SLC26A4: variants seen among roughly 807,000 people sequenced by gnomAD.
The protein encoded by SLC26A4 is pendrin.
A neutral mutation model predicts 90.4 loss-of-function variants in SLC26A4; 93 were observed. That is an observed-to-expected ratio of 1.03 (90% CI 0.87 to 1.22). The LOEUF (loss-of-function observed/expected upper bound fraction) is 1.22. SLC26A4 is among the 50% of genes most tolerant of loss of function. The probability of loss-of-function intolerance (pLI) is 0.00; values close to 1 mark genes in which losing one functional copy is unlikely to be tolerated. For synonymous variants in SLC26A4, 393 were observed against 354.6 expected (o/e 1.11, Z -1.22); for missense variants, 1,127 against 946.2 (o/e 1.19, Z -2.51).
intron 12 of SLC26A4, 97 bp downstream of exon 12, chr7:107,694,813 T>G: frequency 1.1e-6 from 1 of 876,890 alleles, no homozygotes; most frequent in East Asian, 2.5e-5. Context: ...TAAGTCTCAC[T>G]TGTGCTTTGG....
chr7:107,679,951 T>C (rs1380534990), intron 6 of SLC26A4, among the ~76,000 whole-genome samples: 1 of 125,000 alleles, frequency 8.0e-6, no homozygotes, highest in African/African-American at 3.5e-5. Context: ...TCTTATCTTA[T>C]ATAATATAAT....
chr7:107,705,477 T>C (rs1461828307), intron 18 of SLC26A4, among the ~76,000 whole-genome samples: 1 of 152,184 alleles, frequency 6.6e-6, no homozygotes, highest in Non-Finnish European at 1.5e-5. Flanking sequence ...TTCTCATGAA[T>C]CAAACCAACT....
At chr7:107,668,022 C>A (rs943579395) in intron 3 of SLC26A4, among the ~76,000 whole-genome samples, 1 of 151,926 alleles carries the variant, frequency 6.6e-6, no homozygotes, top group Admixed American at 6.6e-5. Context: ...AAAGGCACAC[C>A]CCCTGAGGAA....
chr7:107,701,898 G>A lies in SLC26A4; in HGVS notation c.1875G>A (p.Glu625=). The change falls in exon 17 of 21, where the codon GAG becomes GAA. Residue 625 remains glutamate, a synonymous_variant. Coordinates refer to ENST00000644269, the MANE Select transcript of SLC26A4 (RefSeq NM_000441.2). ...CTGATGAGGATATTGAAGATCTGGA[G>A]GAACTTGATATCCCAACCAAGGAAA... is the stretch of plus-strand genomic sequence containing the variant. ...FEPDEDIEDL[E]ELDIPTKEIE... 1 of 1,613,474 alleles carries A rather than the reference G, an allele frequency of 6.2e-7. No homozygotes were observed.
chr7:107,680,319 A>T (rs1373730747), intron 6 of SLC26A4, among the ~76,000 whole-genome samples: 1 of 138,030 alleles, frequency 7.2e-6, no homozygotes. Context: ...TTATATTATT[A>T]TATAATCTTA....
chr7:107,694,439 G>A lies in SLC26A4; in HGVS notation c.1300G>A (p.Ala434Thr), dbSNP rs757552791. ...GIISAAIVMI[A>T]ILALGKLLEP... Reference sequence around the variant, plus strand: ...CATCTCTGCTGCGATTGTGATGATCGCCATTCTTGCCCTGGGGAAGCTTCT... The same window carrying A: ...CATCTCTGCTGCGATTGTGATGATCACCATTCTTGCCCTGGGGAAGCTTCT... The change falls in exon 11 of 21, where the codon GCC becomes ACC. Residue 434 changes from alanine to threonine, a missense_variant. Physicochemically the swap from Ala to Thr is moderately conservative, Grantham distance 58. Transcript: ENST00000644269. 1.7e-5 allele frequency: 27 copies of A among 1,613,616 alleles called. No homozygotes were observed. The East Asian group carries it at 1.8e-4, about 11-fold the overall frequency.
intron 8 of SLC26A4, among the ~76,000 whole-genome samples, chr7:107,685,213 T>C (rs1791362423): frequency 6.6e-6 from 1 of 152,124 alleles, no homozygotes; most frequent in Non-Finnish European, 1.5e-5. Flanking sequence ...CAGAAAACAC[T>C]TGTTGAAGGA....
At position 107,701,097 on chromosome 7, in the gene SLC26A4, A is replaced by C. The variant is rs770960610; in HGVS notation, c.1708-4A>C. 2 of 1,577,160 alleles carry C rather than the reference A, an allele frequency of 1.3e-6. No individual in the cohort carries two copies. Among genetic ancestry groups the C allele is most frequent in the Non-Finnish European group, 8.7e-7 (1 of 1,146,364 alleles). ...TTTAAGTAACTTGACATTTATTTCC[A>C]AAGGTTGGATTTGATGCCATTAGAG... On this transcript the variant is annotated splice_region_variant and splice_polypyrimidine_tract_variant and intron_variant, in intron 15 of 20. Coordinates refer to ENST00000644269, the MANE Select transcript of SLC26A4 (RefSeq NM_000441.2).
chr7:107,691,448 G>C (rs1264443256), intron 10 of SLC26A4, among the ~76,000 whole-genome samples: 9 of 150,526 alleles, frequency 6.0e-5, no homozygotes, highest in Non-Finnish European at 1.0e-4. Context: ...GTTGCAGTGA[G>C]CCAATATCGT....
At chr7:107,667,759 T>C (rs1790758309) in intron 3 of SLC26A4, among the ~76,000 whole-genome samples, 3 of 151,964 alleles carry the variant, frequency 2.0e-5, no homozygotes, top group South Asian at 4.2e-4. Flanking sequence ...GTGGAGGGGT[T>C]TGAGAATGGA....
intron 14 of SLC26A4, 116 bp downstream of exon 14, chr7:107,698,227 T>G (rs1267253515): frequency 4.0e-6 from 3 of 746,538 alleles, no homozygotes; most frequent in Non-Finnish European, 7.4e-6. Flanking sequence ...GAAAGTCTGT[T>G]AGTCCACAGG....
At chr7:107,714,907 C>T (rs1290016562) in intron 20 of SLC26A4, among the ~76,000 whole-genome samples, 3 of 151,784 alleles carry the variant, frequency 2.0e-5, no homozygotes, top group Non-Finnish European at 4.4e-5. Context: ...GTAATCATTG[C>T]TCTTAAATAA....
chr7:107,694,366 G>A (rs1584329671), intron 10 of SLC26A4, 37 bp from the exon 11 acceptor site: 2 of 1,545,558 alleles, frequency 1.3e-6, no homozygotes, highest in East Asian at 4.5e-5. Flanking sequence ...CAAGGGAGAA[G>A]GACGAATCCT....
Position 107,661,739 on chromosome 7 carries a change from A to G in SLC26A4, c.98A>G (p.Gln33Arg), listed in dbSNP as rs1392879213. ...SRPVYSELAF[Q>R]QQHERRLQER... is the part of the protein sequence containing the mutation. ...CCGGTCTACAGCGAGCTCGCTTTCC[A>G]GCAACAGCACGAGCGGCGCCTGCAG... Residue 33 changes from glutamine to arginine, a missense_variant, in exon 2 of 21, where the codon CAG becomes CGG. Transcript: ENST00000644269. The surrounding 1 kb of genome is among the most constrained non-coding windows in gnomAD (Gnocchi z 5.1). 1.3e-6 allele frequency: 2 copies of G among 1,553,206 alleles called. No homozygotes were observed. Among genetic ancestry groups the G allele is most frequent in the Non-Finnish European group, 1.7e-6 (2 of 1,152,608 alleles).
At chr7:107,667,645 C>A (rs1007621414) in intron 3 of SLC26A4, among the ~76,000 whole-genome samples, 3 of 151,688 alleles carry the variant, frequency 2.0e-5, no homozygotes, top group African/African-American at 7.3e-5. Context: ...GATACTAGAA[C>A]GTATTTGTGA....
In SLC26A4 at chr7:107,692,029, C is replaced by T. The variant is rs547686119; in HGVS notation, c.1263+1792C>T. 231 of 1,289,304 alleles carry T rather than the reference C, an allele frequency of 1.8e-4. 1 individual carries two copies. Among genetic ancestry groups the T allele is most frequent in the Admixed American group, 3.4e-4 (15 of 43,560 alleles). 79.9% of individuals were successfully genotyped at this position (1,289,304 alleles called of 1,614,324 possible). A position where few individuals can be genotyped will look rare whatever the true frequency, so the allele number is the denominator to read the frequency against. ...AAATCTCAAACTGCTGATGTCCATT[C>T]TCCTGATGTTACCTCCAGGCTCAAA... On this transcript the variant is annotated intron_variant, in intron 10 of 20. Coordinates refer to ENST00000644269, the MANE Select transcript of SLC26A4 (RefSeq NM_000441.2).
intron 19 of SLC26A4, among the ~76,000 whole-genome samples, chr7:107,711,878 A>T (rs1792200524): frequency 6.6e-6 from 1 of 152,238 alleles, no homozygotes; most frequent in Non-Finnish European, 1.5e-5. Context: ...AGCTAAGAGA[A>T]TTGGGCTATT....
intron 9 of SLC26A4, among the ~76,000 whole-genome samples, chr7:107,689,632 G>T (rs1791513903): frequency 6.6e-6 from 1 of 152,186 alleles, no homozygotes; most frequent in African/African-American, 2.4e-5. Context: ...GGCAATTTTT[G>T]TAGGCATGTG....
chr7:107,667,970 G>T (rs1790763672), intron 3 of SLC26A4, among the ~76,000 whole-genome samples: 1 of 152,106 alleles, frequency 6.6e-6, no homozygotes, highest in Non-Finnish European at 1.5e-5. Context: ...TGGGCAGATT[G>T]AGGTAAGTAG....
Sources: gnomAD v4.1 joint callset for allele counts (sites outside exome capture counted in the v4.1 genomes callset) on GRCh38, gnomAD v4.1.1 for gene constraint, Gnocchi (gnomAD v3.1) non-coding constraint, MANE v1.5 for transcripts, NCBI Gene and HGNC (gene_info 2026-07-23, HGNC 2026-07-21) for gene names.